KCNAB1: variants seen among roughly 807,000 people sequenced by gnomAD.
The protein encoded by KCNAB1 is voltage-gated potassium channel subunit beta-1.
KCNAB1 carries 35 observed loss-of-function variants against 64.6 expected under a neutral mutation model. That is an observed-to-expected ratio of 0.54 (90% CI 0.41 to 0.72). KCNAB1 has a LOEUF of 0.72. Ranked by LOEUF, KCNAB1 falls within the 30% of genes least tolerant of loss-of-function variation. KCNAB1 has a pLI of 0.00. For synonymous variants in KCNAB1, 177 were observed against 183.8 expected (o/e 0.96, Z 0.30); for missense variants, 401 against 512.9 (o/e 0.78, Z 2.11).
intron 1 of KCNAB1, among the ~76,000 whole-genome samples, chr3:156,189,736 G>T (rs1215368578): frequency 6.6e-6 from 1 of 152,128 alleles, no homozygotes; most frequent in Non-Finnish European, 1.5e-5. Context: ...AATGATACAT[G>T]CTTTATACTT....
chr3:156,386,239 G>A (rs55642716), intron 1 of KCNAB1, among the ~76,000 whole-genome samples: 22,503 of 152,218 alleles, frequency 0.15, 1,908 homozygotes, highest in Middle Eastern at 0.21. Flanking sequence ...GTGTTTAACC[G>A]TGATCCTAGG....
At chr3:156,423,900 G>C (rs1021844419) in intron 2 of KCNAB1, among the ~76,000 whole-genome samples, 4 of 152,148 alleles carry the variant, frequency 2.6e-5, no homozygotes, top group African/African-American at 9.7e-5. Flanking sequence ...ATATCCCAGA[G>C]GGACTAAAGA....
chr3:156,434,522 CAT>C (rs1389793146), intron 2 of KCNAB1, among the ~76,000 whole-genome samples: 4 of 151,820 alleles, frequency 2.6e-5, no homozygotes, highest in Non-Finnish European at 4.4e-5. Flanking sequence ...CATAAAATAA[CAT>C]ATCAGAAAAA....
intron 1 of KCNAB1, among the ~76,000 whole-genome samples, chr3:156,244,261 TC>T (rs1032251931): frequency 1.6e-4 from 25 of 152,162 alleles, no homozygotes; most frequent in African/African-American, 5.5e-4. Context: ...TTGGTCTGGC[TC>T]CTTCTTTTAT....
intron 1 of KCNAB1, among the ~76,000 whole-genome samples, chr3:156,415,096 A>G (rs1228524532): frequency 6.6e-6 from 1 of 152,212 alleles, no homozygotes; most frequent in East Asian, 1.9e-4. Flanking sequence ...GTCTAAGCAC[A>G]AATTTATCTA....
chr3:156,174,798 TA>T (rs1712241034), intron 1 of KCNAB1, among the ~76,000 whole-genome samples: 1 of 152,142 alleles, frequency 6.6e-6, no homozygotes, highest in Admixed American at 6.5e-5. Flanking sequence ...CGCAGGGGTC[TA>T]AAAAGGTACC....
intron 1 of KCNAB1, among the ~76,000 whole-genome samples, chr3:156,375,314 T>C: frequency 7.4e-6 from 1 of 134,678 alleles, no homozygotes; most frequent in East Asian, 2.0e-4. Context: ...CTCATCCCTA[T>C]GCAGCCCCTC....
chr3:156,459,949 C>T, intron 5 of KCNAB1, 78 bp downstream of exon 5: 2 of 987,272 alleles, frequency 2.0e-6, no homozygotes, highest in South Asian at 2.9e-5. Context: ...AATTATATGA[C>T]ACCTGACCAA....
At chr3:156,245,868 A>T (rs1717422401) in intron 1 of KCNAB1, among the ~76,000 whole-genome samples, 1 of 152,192 alleles carries the variant, frequency 6.6e-6, no homozygotes, top group African/African-American at 2.4e-5. Context: ...TAGCAACAGA[A>T]AAGAGAATAA....
intron 1 of KCNAB1, among the ~76,000 whole-genome samples, chr3:156,377,641 G>A (rs145084610): frequency 8.0e-4 from 121 of 152,050 alleles, no homozygotes; most frequent in African/African-American, 2.6e-3. Context: ...TTTCCTCATC[G>A]CCACCGAAGA....
At chr3:156,170,761 G>A (rs1711918756) in intron 1 of KCNAB1, among the ~76,000 whole-genome samples, 1 of 152,130 alleles carries the variant, frequency 6.6e-6, no homozygotes, top group African/African-American at 2.4e-5. Context: ...CAAACATTGA[G>A]TCCTATTGGA....
intron 1 of KCNAB1, among the ~76,000 whole-genome samples, chr3:156,292,458 C>T (rs1720498310): frequency 6.6e-6 from 1 of 152,066 alleles, no homozygotes; most frequent in Non-Finnish European, 1.5e-5. Context: ...TGTGTTTGTT[C>T]TATTTTATGA....
intron 7 of KCNAB1, among the ~76,000 whole-genome samples, chr3:156,468,599 T>C (rs1205292728): frequency 1.3e-5 from 2 of 152,202 alleles, no homozygotes; most frequent in East Asian, 3.8e-4. Flanking sequence ...TAAAGGTTAC[T>C]ATATGGGGAT....
chr3:156,251,186 T>C (rs1411780485), intron 1 of KCNAB1, among the ~76,000 whole-genome samples: 2 of 152,236 alleles, frequency 1.3e-5, no homozygotes, highest in African/African-American at 4.8e-5. Context: ...CTTGCAAATA[T>C]ACAATTAAGT....
At chr3:156,532,045 G>T (rs1255512243) in intron 13 of KCNAB1, among the ~76,000 whole-genome samples, 1 of 152,108 alleles carries the variant, frequency 6.6e-6, no homozygotes, top group Middle Eastern at 3.2e-3. Flanking sequence ...CTTACTACAT[G>T]TCCCTTAGTT....
intron 1 of KCNAB1, among the ~76,000 whole-genome samples, chr3:156,211,876 T>G (rs986497903): frequency 1.3e-5 from 2 of 152,210 alleles, no homozygotes; most frequent in African/African-American, 2.4e-5. Context: ...CAAGAGCTGT[T>G]CACAGGAAGA....
chr3:156,491,125 A>G (rs1359272852), intron 8 of KCNAB1, among the ~76,000 whole-genome samples: 1 of 152,122 alleles, frequency 6.6e-6, no homozygotes, highest in African/African-American at 2.4e-5. Flanking sequence ...TCTCTCAAAC[A>G]CAATTTCTCC....
chr3:156,432,115 A>G (rs1716259444), intron 2 of KCNAB1, among the ~76,000 whole-genome samples: 1 of 152,212 alleles, frequency 6.6e-6, no homozygotes, highest in Non-Finnish European at 1.5e-5. Context: ...GACCACCATG[A>G]ATAGTTAAGA....
chr3:156,125,419 T>C (rs986307398), intron 1 of KCNAB1, among the ~76,000 whole-genome samples: 1 of 152,194 alleles, frequency 6.6e-6, no homozygotes, highest in South Asian at 2.1e-4. Context: ...TTTTTAAGGA[T>C]TTATAGGATA....
Sources: allele counts gnomAD v4.1 joint callset (sites outside exome capture counted in the v4.1 genomes callset), GRCh38; gene constraint gnomAD v4.1.1; transcripts MANE v1.5; gene names NCBI Gene and HGNC (gene_info 2026-07-23, HGNC 2026-07-21).